Variants in PCBP3 observed in about 807,000 individuals in gnomAD.
PCBP3 encodes poly(rC) binding protein 3.
In PCBP3, 25 loss-of-function variants were observed where a neutral mutation model predicts 52.7. The ratio of observed to expected loss-of-function variants is 0.47; its 90% CI spans 0.35 to 0.66. The LOEUF (loss-of-function observed/expected upper bound fraction) is 0.66. Ranked by LOEUF, PCBP3 falls within the 30% of genes least tolerant of loss-of-function variation. The probability of loss-of-function intolerance (pLI) is 0.01; values close to 1 mark genes in which losing one functional copy is unlikely to be tolerated. For synonymous variants in PCBP3, 162 were observed against 183.0 expected (o/e 0.89, Z 0.93); for missense variants, 391 against 490.3 (o/e 0.80, Z 1.91).
intron 10 of PCBP3, among the ~76,000 whole-genome samples, chr21:45,910,565 C>A (rs1451095285): frequency 6.6e-6 from 1 of 152,208 alleles, no homozygotes; most frequent in Non-Finnish European, 1.5e-5. Context: ...GTCCACCTTT[C>A]TCTGTGACCT....
Position 45,788,711 on chromosome 21 carries a change from C to T in PCBP3, c.-126+33259C>T, listed in dbSNP as rs2091326332. ...ATGCTAACGGCCTCTCAGATGCTGA[C>T]CTGCTTCATGTCTATTTCCTTTTAC... On this transcript the variant is annotated intron_variant, in intron 4 of 17. Coordinates refer to ENST00000681687, the MANE Select transcript of PCBP3 (RefSeq NM_001384156.1). The surrounding 1 kb of genome is among the most constrained non-coding windows in gnomAD (Gnocchi z 4.3). 1 of 152,174 alleles carries T rather than the reference C, an allele frequency of 6.6e-6. No individual in the cohort carries two copies. Among genetic ancestry groups the T allele is most frequent in the African/African-American group, 2.4e-5 (1 of 41,428 alleles). 9.4% of individuals were successfully genotyped at this position (152,174 alleles called of 1,614,324 possible).
intron 6 of PCBP3, among the ~76,000 whole-genome samples, chr21:45,898,301 TCCTCACAGTCTCCCTCTGCAC>T (rs2095886325): frequency 1.5e-5 from 1 of 68,124 alleles, no homozygotes; most frequent in African/African-American, 5.2e-5. Context: ...CTGCACACCG[TCCTCACAGTCTCCCTCTGCAC>T]ACCGTCCTCA....
rs769392019 is a variant in PCBP3 at position 45,735,059 on chromosome 21, A to G, written c.-199-333A>G. 1.3e-5 allele frequency among the ~76,000 whole-genome samples: 2 copies of G among 152,182 alleles called. No homozygotes were observed. The highest frequency in any genetic ancestry group is 4.8e-5 in the African/African-American group (2 of 41,538). On this transcript the variant is annotated intron_variant, in intron 2 of 17. Transcript: ENST00000681687. The surrounding 1 kb of genome is among the most constrained non-coding windows in gnomAD (Gnocchi z 4.0). Reference sequence around the variant, plus strand: ...TCTCCCTGTGTTCTTACCTTCCCCTATAGATTCAGAGGGATTTGAGAATCA... The same window carrying G: ...TCTCCCTGTGTTCTTACCTTCCCCTGTAGATTCAGAGGGATTTGAGAATCA...
chr21:45,752,246 T>C (rs1355263592), intron 3 of PCBP3, among the ~76,000 whole-genome samples: 1 of 152,124 alleles, frequency 6.6e-6, no homozygotes, highest in East Asian at 1.9e-4. Context: ...GTTTAATTTT[T>C]TATTAGTTTA....
At chr21:45,792,793 G>GGGCT (rs1211905078) in intron 4 of PCBP3, among the ~76,000 whole-genome samples, 2 of 152,208 alleles carry the variant, frequency 1.3e-5, no homozygotes, top group Admixed American at 6.5e-5. Flanking sequence ...GAGTTGGAGA[G>GGGCT]GGCTGGCTGG....
In PCBP3 at chr21:45,702,552, A is replaced by C. The variant is rs113568765; in HGVS notation, c.-199-32840A>C. ...ATTGTGTGCAATAGCATTATGTCTA[A>C]AAACAATGTATGTGCCTTAATTTTA... On this transcript the variant is annotated intron_variant, in intron 2 of 17. Coordinates refer to ENST00000681687, the MANE Select transcript of PCBP3 (RefSeq NM_001384156.1). 4.9e-3 allele frequency among the ~76,000 whole-genome samples: 753 copies of C among 152,340 alleles called. 7 individuals carry two copies. Among genetic ancestry groups the C allele is most frequent in the African/African-American group, 0.017 (691 of 41,570 alleles).
intron 5 of PCBP3, among the ~76,000 whole-genome samples, chr21:45,883,032 G>C (rs961057657): frequency 1.3e-5 from 2 of 152,130 alleles, no homozygotes; most frequent in Non-Finnish European, 1.5e-5. Context: ...TGTGTGTTTC[G>C]TGCCACAGGT....
rs1317764757 is a variant in PCBP3 at position 45,830,382 on chromosome 21, G to A, written c.-125-19579G>A. 2.6e-5 allele frequency: 4 copies of A among 152,970 alleles called. No individual in the cohort carries two copies. Among genetic ancestry groups the A allele is most frequent in the Non-Finnish European group, 4.4e-5 (3 of 68,182 alleles). The allele number at this position is 152,970 out of a possible 1,614,324, so 9.5% of individuals were successfully genotyped here. A position where few individuals can be genotyped will look rare whatever the true frequency, so the allele number is the denominator to read the frequency against. ...TCCATGGGAGGATCGTGAACACATAGCCTTTCAGAGGCCTCTATAATGCGC... is the reference window on the plus strand; with the variant it reads ...TCCATGGGAGGATCGTGAACACATAACCTTTCAGAGGCCTCTATAATGCGC... On this transcript the variant is annotated intron_variant, in intron 4 of 17. Coordinates refer to ENST00000681687, the MANE Select transcript of PCBP3 (RefSeq NM_001384156.1). This position sits in a 1 kb window ranked among gnomAD's most constrained non-coding sequence, Gnocchi z 4.4.
At chr21:45,712,441 T>A (rs1320102135) in intron 2 of PCBP3, among the ~76,000 whole-genome samples, 1 of 152,230 alleles carries the variant, frequency 6.6e-6, no homozygotes, top group Non-Finnish European at 1.5e-5. Context: ...TATTAATAAT[T>A]CTAACAGGTG....
At chr21:45,849,672 T>C (rs1036677623) in intron 4 of PCBP3, among the ~76,000 whole-genome samples, 4 of 152,056 alleles carry the variant, frequency 2.6e-5, no homozygotes, top group African/African-American at 7.3e-5. Flanking sequence ...TATAAGGAAA[T>C]ACGTAAGTAA....
At chr21:45,823,015 A>G (rs1050387880) in intron 4 of PCBP3, among the ~76,000 whole-genome samples, 1 of 152,202 alleles carries the variant, frequency 6.6e-6, no homozygotes, top group Non-Finnish European at 1.5e-5. Flanking sequence ...TTCCCCCTCC[A>G]TGCTGTCCTC....
At chr21:45,839,958 A>G (rs377215779) in intron 4 of PCBP3, among the ~76,000 whole-genome samples, 15 of 151,378 alleles carry the variant, frequency 9.9e-5, no homozygotes, top group East Asian at 3.9e-4. Flanking sequence ...AAGTGCTGGG[A>G]TTACAGACAT....
rs545097702 is a variant in PCBP3 at position 45,940,252 on chromosome 21, C to T, written c.1079+53C>T. 52 of 1,517,642 alleles carry T rather than the reference C, an allele frequency of 3.4e-5. No individual in the cohort carries two copies. The South Asian group carries it at 3.7e-4, about 11-fold the overall frequency. The allele number at this position is 1,517,642 out of a possible 1,614,324, so 94.0% of individuals were successfully genotyped here. ...GACGCCCGGAAAGGGACGCGCCAGC[C>T]GGCGTTACATCACCTGGACGGTCGG... On this transcript the variant is annotated intron_variant, in intron 17 of 17. Transcript: ENST00000681687.
chr21:45,765,855 C>A (rs538464020), intron 4 of PCBP3, among the ~76,000 whole-genome samples: 4 of 152,330 alleles, frequency 2.6e-5, no homozygotes, highest in Admixed American at 2.6e-4. Context: ...CTTCATGTTC[C>A]TGAGAACGGG....
intron 5 of PCBP3, among the ~76,000 whole-genome samples, chr21:45,881,273 A>G (rs7276114): frequency 0.77 from 117,136 of 152,156 alleles, 45,601 homozygotes; most frequent in East Asian, 1. Context: ...TGGTTATAGC[A>G]TGTAATTCTT....
intron 13 of PCBP3, among the ~76,000 whole-genome samples, chr21:45,922,979 G>A (rs1308000934): frequency 5.6e-5 from 3 of 54,022 alleles, no homozygotes; most frequent in East Asian, 3.2e-4. Flanking sequence ...GAAATGTGTC[G>A]TTGTAAGTGG....
intron 5 of PCBP3, among the ~76,000 whole-genome samples, chr21:45,859,236 G>A (rs1289924086): frequency 1.6e-5 from 2 of 122,880 alleles, no homozygotes; most frequent in Non-Finnish European, 3.5e-5. Flanking sequence ...GCAGGTCCCC[G>A]ACCAGGAACA....
rs916067182 is a variant in PCBP3 at position 45,892,385 on chromosome 21, A to G, written c.11-3823A>G. On this transcript the variant is annotated intron_variant, in intron 5 of 17. Transcript: ENST00000681687. ...TTCCCTCCAGTCATCGTGCAGAACA[A>G]GGAAACAGAGTGCATTAGTCCCTGG... Among the ~76,000 whole-genome samples, 8 of 145,504 alleles carry G rather than the reference A, an allele frequency of 5.5e-5. No individual in the cohort carries two copies. The East Asian group carries it at 9.9e-4, about 18-fold the overall frequency.
intron 5 of PCBP3, among the ~76,000 whole-genome samples, chr21:45,882,074 G>A (rs990699262): frequency 4.6e-5 from 7 of 152,140 alleles, no homozygotes; most frequent in African/African-American, 1.4e-4. Context: ...GGATCCTGTG[G>A]TGGTTCTATT....
Sources: gnomAD v4.1 joint callset for allele counts (sites outside exome capture counted in the v4.1 genomes callset) on GRCh38, gnomAD v4.1.1 for gene constraint, Gnocchi (gnomAD v3.1) non-coding constraint, MANE v1.5 for transcripts, NCBI Gene and HGNC (gene_info 2026-07-23, HGNC 2026-07-21) for gene names.